Variants in ZSCAN25 observed in about 807,000 individuals in gnomAD.
ZSCAN25 encodes zinc finger and SCAN domain containing 25.
Under a neutral mutation model 38.7 loss-of-function variants are expected in ZSCAN25, and 27 were observed. The observed-to-expected ratio is 0.70, with a 90% CI of 0.51 to 0.96. The LOEUF (loss-of-function observed/expected upper bound fraction) is 0.96, where lower values mean the gene tolerates loss of function less well. Among genes scored for constraint, ZSCAN25 ranks in the 40% least tolerant of loss-of-function variants. The pLI is 0.00. For missense variants in ZSCAN25, 637 were observed against 705.9 expected, an observed-to-expected ratio of 0.90 and a Z score of 1.11; for synonymous variants, 273 against 277.7, an observed-to-expected ratio of 0.98 and a Z score of 0.17.
chr7:99,733,526 C>T, the ZSCAN25 span, among the ~76,000 whole-genome samples: 4 of 152,268 alleles, frequency 2.6e-5, no homozygotes, highest in Non-Finnish European at 4.4e-5. Flanking sequence ...TGGGCTGTAC[C>T]GGCATCGTCT....
the ZSCAN25 span, chr7:99,674,636 C>G: frequency 6.6e-7 from 1 of 1,510,894 alleles, no homozygotes; most frequent in Non-Finnish European, 9.2e-7. Context: ...ATAGAATAAA[C>G]CCTACCTCTA....
intron 1 of ZSCAN25, chr7:99,618,106 A>G (rs899885511): frequency 1.3e-5 from 2 of 152,352 alleles, no homozygotes; most frequent in African/African-American, 4.8e-5. Flanking sequence ...TGCTCCAGTC[A>G]GGTGATCTTT....
At chr7:99,714,032 C>A in the ZSCAN25 span, among the ~76,000 whole-genome samples, 2 of 152,194 alleles carry the variant, frequency 1.3e-5, no homozygotes, top group African/African-American at 4.8e-5. Flanking sequence ...AGTTAGCCAG[C>A]CTTGCAGCCT....
At chr7:99,695,157 T>C in the ZSCAN25 span, among the ~76,000 whole-genome samples, 1 of 152,160 alleles carries the variant, frequency 6.6e-6, no homozygotes, top group Non-Finnish European at 1.5e-5. Context: ...CTGCAAAAGA[T>C]GTCATGGGGA....
At chr7:99,717,803 C>G in the ZSCAN25 span, among the ~76,000 whole-genome samples, 1 of 152,300 alleles carries the variant, frequency 6.6e-6, no homozygotes, top group African/African-American at 2.4e-5. Flanking sequence ...TCCCACATGC[C>G]CAGCCACCTG....
the ZSCAN25 span, among the ~76,000 whole-genome samples, chr7:99,708,263 G>A: frequency 9.9e-5 from 15 of 152,166 alleles, no homozygotes; most frequent in Non-Finnish European, 1.6e-4. Context: ...GGATGGTGAT[G>A]TGTTCACACT....
At chr7:99,644,554 C>T in the ZSCAN25 span, among the ~76,000 whole-genome samples, 6 of 152,262 alleles carry the variant, frequency 3.9e-5, no homozygotes, top group Admixed American at 1.3e-4. Context: ...GTTGTTGTGA[C>T]CCTCTGAGTA....
the ZSCAN25 span, chr7:99,707,758 A>G: frequency 1.9e-6 from 3 of 1,607,762 alleles, no homozygotes; most frequent in Non-Finnish European, 2.6e-6. Flanking sequence ...TATATAGACC[A>G]TTCAGTTAAA....
chr7:99,628,915 G>A (rs1345930877), intron 7 of ZSCAN25, among the ~76,000 whole-genome samples: 1 of 152,192 alleles, frequency 6.6e-6, no homozygotes, highest in Non-Finnish European at 1.5e-5. Flanking sequence ...CGTGGTGAGT[G>A]TCTTAGAGGA....
At chr7:99,707,755 A>G in the ZSCAN25 span, 1 of 1,605,416 alleles carries the variant, frequency 6.2e-7, no homozygotes, top group Non-Finnish European at 8.5e-7. Context: ...AAATATATAG[A>G]CCATTCAGTT....
At chr7:99,708,529 C>T in the ZSCAN25 span, among the ~76,000 whole-genome samples, 3 of 152,082 alleles carry the variant, frequency 2.0e-5, no homozygotes, top group African/African-American at 4.8e-5. Context: ...CTCCCCCACA[C>T]CTCCATAGAA....
chr7:99,695,906 A>T, the ZSCAN25 span: 1 of 1,382,020 alleles, frequency 7.2e-7, no homozygotes, highest in Non-Finnish European at 1.0e-6. Context: ...CTGGTAAGTC[A>T]CTGACTGAGG....
chr7:99,623,918 G>T, intron 6 of ZSCAN25, 139 bp from the exon 7 acceptor site: 1 of 1,200,470 alleles, frequency 8.3e-7, no homozygotes, highest in Admixed American at 2.0e-5. Flanking sequence ...GCTCACAACT[G>T]CAGTGGCTCA....
the ZSCAN25 span, among the ~76,000 whole-genome samples, chr7:99,701,619 T>G: frequency 6.6e-6 from 1 of 152,258 alleles, no homozygotes; most frequent in Non-Finnish European, 1.5e-5. Flanking sequence ...TGTTATTGCC[T>G]GTCTTTTGGA....
chr7:99,649,947 T>C, the ZSCAN25 span: 2 of 1,208,450 alleles, frequency 1.7e-6, no homozygotes. Context: ...TGATCAAAGA[T>C]GGATCCAAGT....
chr7:99,706,348 T>G, the ZSCAN25 span, among the ~76,000 whole-genome samples: 1 of 152,176 alleles, frequency 6.6e-6, no homozygotes, highest in Non-Finnish European at 1.5e-5. Context: ...TTCCCCATCC[T>G]AGGTGTGCCA....
the ZSCAN25 span, among the ~76,000 whole-genome samples, chr7:99,709,533 T>G: frequency 6.6e-6 from 1 of 152,188 alleles, no homozygotes; most frequent in South Asian, 2.1e-4. Context: ...GTAGTGGTTT[T>G]TCTTTCTCAT....
At chr7:99,723,595 G>T in the ZSCAN25 span, among the ~76,000 whole-genome samples, 4 of 152,120 alleles carry the variant, frequency 2.6e-5, no homozygotes, top group African/African-American at 9.7e-5. Context: ...AAAGACCTGG[G>T]ACAGGGGGAC....
chr7:99,707,707 AC>A, the ZSCAN25 span: 4 of 1,546,084 alleles, frequency 2.6e-6, no homozygotes, highest in Non-Finnish European at 3.5e-6. Context: ...GGCCCATAGA[AC>A]AAATTATTAA....
Sources: allele counts gnomAD v4.1 joint callset (sites outside exome capture counted in the v4.1 genomes callset), GRCh38; gene constraint gnomAD v4.1.1; transcripts MANE v1.5; gene names NCBI Gene and HGNC (gene_info 2026-07-23, HGNC 2026-07-21).